The following ADAM9 variants were observed in gnomAD, a reference collection of about 807,000 sequenced individuals.
ADAM9 encodes the protein disintegrin and metalloproteinase domain-containing protein 9.
In ADAM9, 54 loss-of-function variants were observed where a neutral mutation model predicts 108.1. That is an observed-to-expected ratio of 0.50 (90% CI 0.40 to 0.63). The LOEUF is 0.63. Ranked by LOEUF, ADAM9 falls within the 20% of genes least tolerant of loss-of-function variation. ADAM9 has a pLI of 0.00. For missense variants in ADAM9, 830 were observed against 997.7 expected, an observed-to-expected ratio of 0.83 and a Z score of 2.26; for synonymous variants, 316 against 336.0, an observed-to-expected ratio of 0.94 and a Z score of 0.65.
intron 1 of ADAM9, among the ~76,000 whole-genome samples, chr8:38,999,358 A>T (rs1371806375): frequency 1.3e-5 from 2 of 152,036 alleles, no homozygotes; most frequent in African/African-American, 4.8e-5. Flanking sequence ...TGACAAAGGT[A>T]ACTGTGTCAT....
At position 39,104,957 on chromosome 8, in the gene ADAM9, T is replaced by TATACAA; in HGVS notation, c.*1264_*1269dup. ...TGTTTTTGGTTTGTGTATATATACATATACAAATACAACATTTACAATAAA... is the reference window on the plus strand; with the variant it reads ...TGTTTTTGGTTTGTGTATATATACATATACAAATACAAATACAACATTTACAATAAA... On this transcript the variant is annotated 3_prime_UTR_variant, in exon 22 of 22. Transcript: ENST00000487273. 1 of 427,954 alleles carries TATACAA rather than the reference T, an allele frequency of 2.3e-6. No individual in the cohort carries two copies. The highest frequency in any genetic ancestry group is 1.7e-5 in the South Asian group (1 of 57,566). 26.5% of individuals were successfully genotyped at this position (427,954 alleles called of 1,614,324 possible).
intron 4 of ADAM9, chr8:39,014,667 C>G (rs7833611): frequency 1.1e-4 from 75 of 654,838 alleles, no homozygotes; most frequent in Middle Eastern, 2.5e-4. Context: ...GGTATTATAC[C>G]TTTTTTTCTT....
At chr8:39,096,102 A>AATACATAAAATATTTTATAAATT (rs1554587703) in intron 20 of ADAM9, among the ~76,000 whole-genome samples, 2 of 149,684 alleles carry the variant, frequency 1.3e-5, no homozygotes, top group South Asian at 2.2e-4. Flanking sequence ...TGGATACATA[A>AATACATAAAATATTTTATAAATT]TAGTTGTACA....
At chr8:39,100,284 T>TG (rs1268162671) in intron 20 of ADAM9, among the ~76,000 whole-genome samples, 30 of 151,462 alleles carry the variant, frequency 2.0e-4, no homozygotes, top group Admixed American at 2.0e-3. Flanking sequence ...GGTCAGGAGA[T>TG]GGAGACCATC....
intron 21 of ADAM9, 91 bp downstream of exon 21, chr8:39,102,021 T>A: frequency 9.1e-7 from 1 of 1,094,638 alleles, no homozygotes; most frequent in South Asian, 1.3e-5. Context: ...TGTAATTTAG[T>A]GAAAGGTATT....
intron 20 of ADAM9, among the ~76,000 whole-genome samples, chr8:39,097,392 CGCCTCCCAGGTT>C (rs139875421): frequency 0.24 from 35,647 of 151,436 alleles, 4,498 homozygotes; most frequent in South Asian, 0.31. Flanking sequence ...TTGCAACCTC[CGCCTCCCAGGTT>C]CAAGCAATTC....
chr8:39,077,231 T>G lies in ADAM9; in HGVS notation c.1701T>G (p.Asn567Lys). ...GNEYKKCATG[N>K]ALCGKLQCEN... ...CATTATTTCTCTCTCTTTATAGGAA[T>G]GCTTTGTGTGGAAAGCTTCAGTGTG... The change falls in exon 16 of 22, where the codon AAT (asparagine) becomes AAG (lysine). Residue 567 changes from asparagine (N) to lysine (K), a missense_variant. Physicochemically the swap from Asn to Lys is moderately conservative, Grantham distance 94 (BLOSUM62 0). Coordinates refer to ENST00000487273, the MANE Select transcript of ADAM9 (RefSeq NM_003816.3). 6.2e-7 allele frequency: 1 copy of G among 1,614,066 alleles called. No individual in the cohort carries two copies. Among genetic ancestry groups the G allele is most frequent in the South Asian group, 1.1e-5 (1 of 91,090 alleles).
At chr8:39,020,749 A>C (rs1048646145) in intron 7 of ADAM9, among the ~76,000 whole-genome samples, 6 of 151,916 alleles carry the variant, frequency 3.9e-5, no homozygotes, top group Non-Finnish European at 7.4e-5. Context: ...TCTCAGTTCT[A>C]TTTTCTGTAT....
rs1836899925 is a variant in ADAM9 at position 39,025,738 on chromosome 8, A to G, written c.915-65A>G. On this transcript the variant is annotated intron_variant, in intron 9 of 21. Coordinates refer to ENST00000487273, the MANE Select transcript of ADAM9 (RefSeq NM_003816.3). ...TCCCAATCCAGTTGAGATTATTCAT[A>G]AAATAAAAGCAATGTGTTCCTTTTT... 9 of 1,471,570 alleles carry G rather than the reference A, an allele frequency of 6.1e-6. No homozygotes were observed. In the Admixed American group the frequency reaches 1.0e-4, roughly 16 times the overall value. The allele number at this position is 1,471,570 out of a possible 1,614,324, so 91.2% of individuals were successfully genotyped here. A position where few individuals can be genotyped will look rare whatever the true frequency, so the allele number is the denominator to read the frequency against.
At chr8:39,026,046 A>G (rs544359593) in intron 10 of ADAM9, among the ~76,000 whole-genome samples, 162 bp downstream of exon 10, 4 of 152,304 alleles carry the variant, frequency 2.6e-5, no homozygotes, top group Non-Finnish European at 4.4e-5. Flanking sequence ...GACTGGGTCA[A>G]GTTTTTAAAT....
intron 1 of ADAM9, among the ~76,000 whole-genome samples, chr8:39,000,955 G>A (rs979938195): frequency 2.0e-5 from 3 of 152,114 alleles, no homozygotes; most frequent in African/African-American, 7.2e-5. Context: ...GAACTCAAAG[G>A]GAATGGGACG....
chr8:39,090,187 G>A lies in ADAM9; in HGVS notation c.2209G>A (p.Glu737Lys), dbSNP rs2129443070. 6.2e-7 allele frequency: 1 copy of A among 1,611,952 alleles called. No individual in the cohort carries two copies. Among genetic ancestry groups the A allele is most frequent in the Middle Eastern group, 1.7e-4 (1 of 6,052 alleles). ...YFRKKRSQTY[E>K]SDGKNQANPS... The stretch of plus-strand genomic sequence containing the variant: ...CAGAAAGAAGAGATCACAAACATAT[G>A]AGTACTTAGATTTTTTTCTTTTAAT... The change falls in exon 19 of 22, where the codon GAG (glutamate) becomes AAG (lysine). Residue 737 changes from glutamate to lysine, a missense_variant and splice_region_variant. Physicochemically the swap from Glu to Lys is moderately conservative, Grantham distance 56. Coordinates refer to ENST00000487273, the MANE Select transcript of ADAM9 (RefSeq NM_003816.3).
intron 19 of ADAM9, among the ~76,000 whole-genome samples, chr8:39,090,454 C>G (rs1285782533): frequency 6.6e-6 from 1 of 152,274 alleles, no homozygotes; most frequent in Non-Finnish European, 1.5e-5. Flanking sequence ...TGGAGTGAGC[C>G]TCCACGCTCA....
At chr8:39,045,126 G>GTGTGTGCATA (rs1837627474) in intron 12 of ADAM9, among the ~76,000 whole-genome samples, 1 of 77,506 alleles carries the variant, frequency 1.3e-5, no homozygotes, top group Non-Finnish European at 2.5e-5. Flanking sequence ...ATGTGTGTGT[G>GTGTGTGCATA]CATACATACA....
chr8:39,010,845 C>A (rs1448237565), intron 2 of ADAM9, among the ~76,000 whole-genome samples: 1 of 152,052 alleles, frequency 6.6e-6, no homozygotes, highest in Non-Finnish European at 1.5e-5. Context: ...TGCCTGTAAT[C>A]CCAGCATTTT....
intron 7 of ADAM9, 142 bp from the exon 8 acceptor site, chr8:39,021,501 C>T: frequency 1.4e-6 from 1 of 723,898 alleles, no homozygotes; most frequent in South Asian, 1.4e-5. Flanking sequence ...CTAGGCTGGT[C>T]TCGAACTCCT....
In ADAM9 at chr8:39,025,467, G is replaced by A. The variant is rs530677753; in HGVS notation, c.915-336G>A. On this transcript the variant is annotated intron_variant, in intron 9 of 21. Coordinates refer to ENST00000487273, the MANE Select transcript of ADAM9 (RefSeq NM_003816.3). ...CCGTGTAAACATATTCATTTCATTC[G>A]TTATCTGTCTCTCCTCACTAAAATG... Among the ~76,000 whole-genome samples the A allele has an allele frequency of 3.9e-5, 6 of 152,156 alleles. No individual in the cohort carries two copies. In the East Asian group the frequency reaches 5.8e-4, roughly 15 times the overall value.
intron 16 of ADAM9, among the ~76,000 whole-genome samples, chr8:39,081,117 T>G (rs1839011164): frequency 6.6e-6 from 1 of 151,980 alleles, no homozygotes; most frequent in Admixed American, 6.6e-5. Context: ...CCGGCTAATT[T>G]TTGTGATTTT....
intron 14 of ADAM9, among the ~76,000 whole-genome samples, chr8:39,070,447 G>A (rs764618532): frequency 2.6e-5 from 4 of 151,982 alleles, no homozygotes; most frequent in African/African-American, 7.3e-5. Context: ...TTTGCTATAC[G>A]TGACTGTTCA....
Sources: allele counts gnomAD v4.1 joint callset (sites outside exome capture counted in the v4.1 genomes callset), GRCh38; gene constraint gnomAD v4.1.1; transcripts MANE v1.5; gene names NCBI Gene and HGNC (gene_info 2026-07-23, HGNC 2026-07-21).